Variants in CHST9 observed in about 807,000 individuals in gnomAD.
CHST9 encodes carbohydrate sulfotransferase 9, also known as GalNAc-4-sulfotransferase 2.
In CHST9, 41 loss-of-function variants were observed where a neutral mutation model predicts 44.4. That is an observed-to-expected ratio of 0.92 (90% confidence interval 0.72 to 1.20). The LOEUF (loss-of-function observed/expected upper bound fraction) is 1.20, where lower values mean the gene tolerates loss of function less well. Among genes scored for constraint, CHST9 ranks in the 50% most tolerant of loss-of-function variants. The pLI, the probability that CHST9 is intolerant of heterozygous loss-of-function variation, is 0.00. For synonymous variants in CHST9, 171 were observed against 178.4 expected (o/e 0.96, Z 0.33); for missense variants, 504 against 516.5 (o/e 0.98, Z 0.23).
intron 1 of CHST9, among the ~76,000 whole-genome samples, chr18:27,170,623 T>A (rs1444536801): frequency 6.6e-6 from 1 of 152,204 alleles, no homozygotes; most frequent in African/African-American, 2.4e-5. Flanking sequence ...AAATAAAATA[T>A]TTAATGCAAA....
intron 4 of CHST9, among the ~76,000 whole-genome samples, chr18:26,954,467 C>T (rs1349952399): frequency 6.6e-6 from 1 of 152,104 alleles, no homozygotes; most frequent in East Asian, 1.9e-4. Flanking sequence ...TTCCTTTCTT[C>T]ATCTTGTAGG....
chr18:27,156,270 A>G (rs940371212), intron 1 of CHST9, among the ~76,000 whole-genome samples: 6 of 152,044 alleles, frequency 3.9e-5, no homozygotes, highest in African/African-American at 1.4e-4. Context: ...AAGGAATTGA[A>G]AGATGAGAAA....
At chr18:27,150,868 T>C (rs1286544088) in intron 1 of CHST9, among the ~76,000 whole-genome samples, 1 of 152,198 alleles carries the variant, frequency 6.6e-6, no homozygotes, top group African/African-American at 2.4e-5. Flanking sequence ...AAATTTATTA[T>C]AAAGCACCTT....
At position 26,915,133 on chromosome 18, in the gene CHST9, T is replaced by A; in HGVS notation, c.*1126A>T. The A allele has an allele frequency of 2.5e-6, 1 of 394,532 alleles. No individual in the cohort carries two copies. Among genetic ancestry groups the A allele is most frequent in the East Asian group, 3.6e-5 (1 of 27,846 alleles). 24.4% of individuals were successfully genotyped at this position (394,532 alleles called of 1,614,324 possible). ...TCTGACTTTGTTAGTATAGAATATTTAAACTTAAAAAGAAAATACCTTAAT... is the reference window on the plus strand; with the variant it reads ...TCTGACTTTGTTAGTATAGAATATTAAAACTTAAAAAGAAAATACCTTAAT... On this transcript the variant is annotated 3_prime_UTR_variant, in exon 6 of 6. Coordinates refer to ENST00000618847, the MANE Select transcript of CHST9 (RefSeq NM_031422.6).
At chr18:26,969,370 CTCTCTCT>C (rs2056509993) in intron 4 of CHST9, among the ~76,000 whole-genome samples, 1 of 121,910 alleles carries the variant, frequency 8.2e-6, no homozygotes, top group Non-Finnish European at 1.8e-5. Context: ...TTCTCTCTCT[CTCTCTCT>C]GTGTGTGTGT....
chr18:27,175,774 T>C lies in CHST9; in HGVS notation c.-97+9362A>G, dbSNP rs576639634. 5.9e-5 allele frequency among the ~76,000 whole-genome samples: 9 copies of C among 152,152 alleles called. No homozygotes were observed. In the South Asian group the frequency reaches 1.5e-3, roughly 25 times the overall value. ...CACTTCCTCTCTGAAGCAGGCGTTGTAGTATTTGTTAGGAATACAAGGACC... is the reference window on the plus strand; with the variant it reads ...CACTTCCTCTCTGAAGCAGGCGTTGCAGTATTTGTTAGGAATACAAGGACC... On this transcript the variant is annotated intron_variant, in intron 1 of 5. Coordinates refer to ENST00000618847, the MANE Select transcript of CHST9 (RefSeq NM_031422.6).
At chr18:27,095,970 C>A in intron 2 of CHST9, among the ~76,000 whole-genome samples, 1 of 152,010 alleles carries the variant, frequency 6.6e-6, no homozygotes, top group Non-Finnish European at 1.5e-5. Context: ...CCCCCAACAA[C>A]CACAAAATGG....
chr18:27,118,046 C>T (rs919994256), intron 2 of CHST9, among the ~76,000 whole-genome samples: 2 of 152,166 alleles, frequency 1.3e-5, no homozygotes, highest in African/African-American at 4.8e-5. Context: ...TACATCTTTG[C>T]CAGCATTTGT....
intron 3 of CHST9, among the ~76,000 whole-genome samples, chr18:27,025,006 T>G (rs1467288350): frequency 6.7e-6 from 1 of 150,354 alleles, no homozygotes; most frequent in Non-Finnish European, 1.5e-5. Flanking sequence ...TACTTAGTTT[T>G]TGGCTTTTTG....
At chr18:27,119,893 G>A (rs144296835) in intron 2 of CHST9, among the ~76,000 whole-genome samples, 20 of 152,186 alleles carry the variant, frequency 1.3e-4, no homozygotes, top group South Asian at 6.2e-4. Context: ...GTAAAATATG[G>A]TCACTCAGTT....
chr18:26,937,330 A>C (rs2056011917), intron 5 of CHST9, among the ~76,000 whole-genome samples: 1 of 152,186 alleles, frequency 6.6e-6, no homozygotes. Flanking sequence ...CTTTGAAAAA[A>C]GACATACCAC....
At chr18:27,031,168 A>G (rs1365732085) in intron 3 of CHST9, among the ~76,000 whole-genome samples, 1 of 152,102 alleles carries the variant, frequency 6.6e-6, no homozygotes, top group East Asian at 1.9e-4. Context: ...TCAGTTCCAA[A>G]TATTTATGCA....
At chr18:27,163,288 C>T (rs72643359) in intron 1 of CHST9, among the ~76,000 whole-genome samples, 7 of 152,158 alleles carry the variant, frequency 4.6e-5, no homozygotes, top group Non-Finnish European at 8.8e-5. Flanking sequence ...GCAGTCTGTC[C>T]GTTCTCAGAT....
At chr18:26,987,610 T>C (rs1298872207) in intron 4 of CHST9, among the ~76,000 whole-genome samples, 1 of 152,214 alleles carries the variant, frequency 6.6e-6, no homozygotes, top group African/African-American at 2.4e-5. Context: ...AAAGCTTTTA[T>C]ATTATACACC....
At chr18:27,135,190 A>T (rs981953810) in intron 2 of CHST9, among the ~76,000 whole-genome samples, 1 of 152,198 alleles carries the variant, frequency 6.6e-6, no homozygotes, top group Non-Finnish European at 1.5e-5. Flanking sequence ...AAAAAAATTT[A>T]AAAATAACAC....
At chr18:27,090,049 G>A (rs2058053148) in intron 2 of CHST9, among the ~76,000 whole-genome samples, 1 of 152,080 alleles carries the variant, frequency 6.6e-6, no homozygotes, top group Non-Finnish European at 1.5e-5. Context: ...CTGACCTCTT[G>A]ATCCTCCTGC....
chr18:27,114,887 C>T (rs2058306839), intron 2 of CHST9, among the ~76,000 whole-genome samples: 2 of 152,034 alleles, frequency 1.3e-5, no homozygotes, highest in Admixed American at 1.3e-4. Context: ...TGGCTGTGTC[C>T]CCACCCAAAA....
intron 4 of CHST9, among the ~76,000 whole-genome samples, chr18:27,002,918 T>C (rs1290882367): frequency 1.3e-5 from 2 of 152,156 alleles, no homozygotes; most frequent in African/African-American, 2.4e-5. Context: ...TGTGAAAAGA[T>C]GAAAATCTTT....
chr18:26,995,886 T>C (rs1444923790), intron 4 of CHST9, among the ~76,000 whole-genome samples: 1 of 152,242 alleles, frequency 6.6e-6, no homozygotes, highest in Admixed American at 6.5e-5. Context: ...TAGTTTAGGC[T>C]GAATTTTGAA....
Sources: allele counts gnomAD v4.1 joint callset (sites outside exome capture counted in the v4.1 genomes callset), GRCh38; gene constraint gnomAD v4.1.1; transcripts MANE v1.5; gene names NCBI Gene and HGNC (gene_info 2026-07-23, HGNC 2026-07-21).